DGKI: variants seen among roughly 807,000 people sequenced by gnomAD.
DGKI encodes diacylglycerol kinase iota, also known as DAG kinase iota.
In DGKI, 55 loss-of-function variants were observed where a neutral mutation model predicts 147.5. The observed-to-expected ratio is 0.37, with a 90% CI of 0.30 to 0.47. The LOEUF is 0.47. Ranked by LOEUF, DGKI falls within the 20% of genes least tolerant of loss-of-function variation. DGKI has a pLI of 1.00. For missense variants in DGKI, 1,007 were observed against 1,323.8 expected, an observed-to-expected ratio of 0.76 and a Z score of 3.71; for synonymous variants, 469 against 477.1, an observed-to-expected ratio of 0.98 and a Z score of 0.22.
chr7:137,631,834 A>C (rs568410662), intron 6 of DGKI, among the ~76,000 whole-genome samples: 2 of 152,214 alleles, frequency 1.3e-5, no homozygotes, highest in Non-Finnish European at 2.9e-5. Context: ...TAAAGCTGCT[A>C]TATTAGGTAC....
intron 1 of DGKI, among the ~76,000 whole-genome samples, chr7:137,698,153 T>C (rs1333667202): frequency 6.6e-6 from 1 of 151,334 alleles, no homozygotes; most frequent in African/African-American, 2.4e-5. Context: ...CAAATATATA[T>C]ATATATATAT....
At chr7:137,757,106 T>C (rs2116786142) in intron 1 of DGKI, among the ~76,000 whole-genome samples, 1 of 152,258 alleles carries the variant, frequency 6.6e-6, no homozygotes, top group South Asian at 2.1e-4. Context: ...AAGCCGCCCC[T>C]GACTTTTCAA....
chr7:137,704,860 C>T (rs925396848), intron 1 of DGKI, among the ~76,000 whole-genome samples: 23 of 152,002 alleles, frequency 1.5e-4, no homozygotes, highest in African/African-American at 2.7e-4. Context: ...GGCAGTGAGA[C>T]GATATGTTAT....
At chr7:137,542,458 C>T (rs1335908935) in intron 20 of DGKI, among the ~76,000 whole-genome samples, 1 of 152,094 alleles carries the variant, frequency 6.6e-6, no homozygotes, top group East Asian at 1.9e-4. Context: ...ATGATACATG[C>T]AGCAACTTGG....
At chr7:137,545,844 C>G (rs1274519290) in intron 20 of DGKI, 4 of 689,632 alleles carry the variant, frequency 5.8e-6, no homozygotes, top group African/African-American at 1.8e-5. Flanking sequence ...GGTAGTCCAA[C>G]CCTGAGGAGA....
intron 12 of DGKI, among the ~76,000 whole-genome samples, chr7:137,594,430 C>A (rs939823600): frequency 6.6e-6 from 1 of 152,138 alleles, no homozygotes; most frequent in African/African-American, 2.4e-5. Context: ...TGCAAACTTT[C>A]TATACCTTAA....
chr7:137,820,979 GCAGCTCCTCCC>G (rs1797881170), intron 1 of DGKI, among the ~76,000 whole-genome samples: 1 of 152,162 alleles, frequency 6.6e-6, no homozygotes, highest in Non-Finnish European at 1.5e-5. Context: ...GAGGGGGAGA[GCAGCTCCTCCC>G]CAGCTGCTGC....
chr7:137,413,100 T>C (rs989772451), intron 28 of DGKI, among the ~76,000 whole-genome samples: 2 of 151,960 alleles, frequency 1.3e-5, no homozygotes, highest in Admixed American at 6.6e-5. Context: ...TGAGACCCCG[T>C]CTCTACCAAA....
chr7:137,513,795 T>C, intron 21 of DGKI: 1 of 581,954 alleles, frequency 1.7e-6, no homozygotes, highest in South Asian at 1.5e-5. Context: ...AAAGGTGCAG[T>C]AAAACTATGG....
intron 1 of DGKI, among the ~76,000 whole-genome samples, chr7:137,777,348 A>C (rs1796392548): frequency 6.6e-6 from 1 of 152,348 alleles, no homozygotes; most frequent in African/African-American, 2.4e-5. Context: ...GATTCCACCA[A>C]GAAAGAATCT....
intron 1 of DGKI, among the ~76,000 whole-genome samples, chr7:137,782,740 T>G: frequency 6.6e-6 from 1 of 152,172 alleles, no homozygotes; most frequent in East Asian, 1.9e-4. Context: ...GAGTCCACTT[T>G]ACTCCCCTGT....
Position 137,522,015 on chromosome 7 carries a change from G to C in DGKI, c.2148-49C>G, listed in dbSNP as rs761618901. 87 of 1,386,370 alleles carry C rather than the reference G, an allele frequency of 6.3e-5. 1 individual carries two copies. The highest frequency in any genetic ancestry group is 1.9e-4 in the Middle Eastern group (1 of 5,224). 85.9% of individuals were successfully genotyped at this position (1,386,370 alleles called of 1,614,324 possible). A position where few individuals can be genotyped will look rare whatever the true frequency, so the allele number is the denominator to read the frequency against. On this transcript the variant is annotated intron_variant, in intron 20 of 32. Coordinates refer to ENST00000614521, the MANE Select transcript of DGKI (RefSeq NM_001321708.2). ...CAGATACAAATGAGAGAGCGGAATT[G>C]GTAGCCATGCACCTGAAGGAATAAG...
chr7:137,514,478 G>A lies in DGKI; in HGVS notation c.2248+7388C>T, dbSNP rs528294913. On this transcript the variant is annotated intron_variant, in intron 21 of 32. Transcript: ENST00000614521. The stretch of plus-strand genomic sequence containing the variant: ...GCATCTTACTCAACTTCTCTGAAAC[G>A]CTGACAGCTAGACAGCTTTTATGAG... Among the ~76,000 whole-genome samples, 7 of 152,212 alleles carry A rather than the reference G, an allele frequency of 4.6e-5. No individual in the cohort carries two copies. The South Asian group carries it at 1.0e-3, about 23-fold the overall frequency.
At chr7:137,649,421 C>T (rs1821944868) in intron 5 of DGKI, among the ~76,000 whole-genome samples, 1 of 152,150 alleles carries the variant, frequency 6.6e-6, no homozygotes, top group South Asian at 2.1e-4. Flanking sequence ...AGCAAGGCTT[C>T]TAACACCATA....
chr7:137,512,118 A>C (rs908727186), intron 21 of DGKI, among the ~76,000 whole-genome samples: 1 of 152,190 alleles, frequency 6.6e-6, no homozygotes, highest in Non-Finnish European at 1.5e-5. Context: ...TGATGACAAG[A>C]CCTATGACCG....
chr7:137,633,355 C>CAACTGG (rs1171390625), intron 6 of DGKI, among the ~76,000 whole-genome samples: 1 of 152,108 alleles, frequency 6.6e-6, no homozygotes, highest in African/African-American at 2.4e-5. Flanking sequence ...ACTGGCACAA[C>CAACTGG]CCCAAGACTG....
intron 20 of DGKI, among the ~76,000 whole-genome samples, chr7:137,542,798 A>G (rs834063): frequency 0.14 from 21,189 of 152,188 alleles, 2,414 homozygotes; most frequent in African/African-American, 0.32. Flanking sequence ...TAAACATTCA[A>G]TACAAAGTCG....
In DGKI at chr7:137,390,290, G is replaced by T. The variant is rs1439760319; in HGVS notation, c.*930C>A. On this transcript the variant is annotated 3_prime_UTR_variant, in exon 33 of 33. Coordinates refer to ENST00000614521, the MANE Select transcript of DGKI (RefSeq NM_001321708.2). ...TCCTGTAACCACAGTTCCCACACAG[G>T]ATTATTTGCTCTGCAATTTAAACAG... 6.6e-6 allele frequency: 1 copy of T among 152,566 alleles called. No homozygotes were observed. Among genetic ancestry groups the T allele is most frequent in the Non-Finnish European group, 1.5e-5 (1 of 68,026 alleles). 9.5% of individuals were successfully genotyped at this position (152,566 alleles called of 1,614,324 possible). A position where few individuals can be genotyped will look rare whatever the true frequency, so the allele number is the denominator to read the frequency against.
chr7:137,540,762 C>A (rs202057815), intron 20 of DGKI, among the ~76,000 whole-genome samples: 50,899 of 57,366 alleles, frequency 0.89, 22,424 homozygotes, highest in Middle Eastern at 0.94. Context: ...AAAACCCCCC[C>A]AAAAAAAAAA....
Sources: allele counts gnomAD v4.1 joint callset (sites outside exome capture counted in the v4.1 genomes callset), GRCh38; gene constraint gnomAD v4.1.1; transcripts MANE v1.5; gene names NCBI Gene and HGNC (gene_info 2026-07-23, HGNC 2026-07-21).